ATP8A1: variants seen among roughly 807,000 people sequenced by gnomAD.
ATP8A1 encodes the protein phospholipid-transporting ATPase IA.
Under a neutral mutation model 177.7 loss-of-function variants are expected in ATP8A1, and 90 were observed. The ratio of observed to expected loss-of-function variants is 0.51; its 90% CI spans 0.43 to 0.60. ATP8A1 has a LOEUF of 0.60. ATP8A1 is among the 20% of genes least tolerant of loss of function. The pLI is 0.00. For synonymous variants in ATP8A1, 493 were observed against 485.9 expected (o/e 1.01, Z -0.19); for missense variants, 1,072 against 1,392.8 (o/e 0.77, Z 3.67).
At chr4:42,436,838 C>T (rs1051268647) in intron 33 of ATP8A1, among the ~76,000 whole-genome samples, 10 of 152,192 alleles carry the variant, frequency 6.6e-5, no homozygotes, top group African/African-American at 1.9e-4. Flanking sequence ...TCAATAAAGA[C>T]TCTTTTAACC....
At position 42,580,004 on chromosome 4, in the gene ATP8A1, T is replaced by A. The variant is rs1732868280; in HGVS notation, c.835-26A>T. On this transcript the variant is annotated intron_variant, in intron 10 of 36. Coordinates refer to ENST00000381668, the MANE Select transcript of ATP8A1 (RefSeq NM_006095.2). ...CTGTAAAAAGAAACAAGATGAGTAA[T>A]AAAAAATGTACACCAATGATTTAGC... 1.9e-6 allele frequency: 3 copies of A among 1,542,086 alleles called. No individual in the cohort carries two copies. In the Admixed American group the frequency reaches 5.9e-5, roughly 30 times the overall value.
In ATP8A1 at chr4:42,410,055, C is replaced by T. The variant is rs1344970939; in HGVS notation, c.*2861G>A. On this transcript the variant is annotated 3_prime_UTR_variant, in exon 37 of 37. Coordinates refer to ENST00000381668, the MANE Select transcript of ATP8A1 (RefSeq NM_006095.2). ...GCTGAAGCAGTCTCACATTAGAGCA[C>T]AGAGTGGAGGTGGGAGGACGGGAAG... 6.6e-6 allele frequency: 1 copy of T among 152,142 alleles called. No homozygotes were observed. The highest frequency in any genetic ancestry group is 1.5e-5 in the Non-Finnish European group (1 of 67,998). The allele number at this position is 152,142 out of a possible 1,614,324, so 9.4% of individuals were successfully genotyped here. A position where few individuals can be genotyped will look rare whatever the true frequency, so the allele number is the denominator to read the frequency against.
rs192183436 is a variant in ATP8A1, at chr4:42,548,827, A to G, written c.1652+186T>C. On this transcript the variant is annotated intron_variant, in intron 19 of 36. Transcript: ENST00000381668. ...TCACGCATTGCAATACTCTGAAGAA[A>G]GTGGTTTGTAATTTATCTACAGATA... 2.0e-5 allele frequency among the ~76,000 whole-genome samples: 3 copies of G among 152,354 alleles called. No homozygotes were observed. In the East Asian group the frequency reaches 5.8e-4, roughly 29 times the overall value.
At chr4:42,471,481 G>A (rs188920091) in intron 25 of ATP8A1, among the ~76,000 whole-genome samples, 2 of 152,316 alleles carry the variant, frequency 1.3e-5, no homozygotes, top group African/African-American at 4.8e-5. Flanking sequence ...ATAGGTAAAC[G>A]TACTGCCTTC....
At chr4:42,641,562 G>C (rs952294664) in intron 1 of ATP8A1, among the ~76,000 whole-genome samples, 1 of 151,914 alleles carries the variant, frequency 6.6e-6, no homozygotes, top group African/African-American at 2.4e-5. Flanking sequence ...AGTGCAGGGC[G>C]CAAGTTTTCC....
intron 35 of ATP8A1, among the ~76,000 whole-genome samples, chr4:42,420,630 G>T (rs1382268210): frequency 1.3e-5 from 2 of 152,160 alleles, no homozygotes; most frequent in African/African-American, 4.8e-5. Flanking sequence ...TAAGTATCAC[G>T]TGGAAGGGCT....
chr4:42,452,910 G>A (rs1718084590), intron 29 of ATP8A1, among the ~76,000 whole-genome samples: 1 of 152,154 alleles, frequency 6.6e-6, no homozygotes, highest in East Asian at 1.9e-4. Flanking sequence ...CAGAAATTAA[G>A]TTGCCTGCCT....
intron 4 of ATP8A1, among the ~76,000 whole-genome samples, chr4:42,622,541 C>A (rs1412862703): frequency 6.6e-6 from 1 of 151,560 alleles, no homozygotes; most frequent in Admixed American, 6.6e-5. Flanking sequence ...CAAAAATTGA[C>A]AAATTGGATC....
In ATP8A1 at chr4:42,475,262, C is replaced by T. The variant is rs985294667; in HGVS notation, c.2325-10186G>A. 2.0e-5 allele frequency among the ~76,000 whole-genome samples: 3 copies of T among 152,090 alleles called. No homozygotes were observed. In the South Asian group the frequency reaches 6.2e-4, roughly 32 times the overall value. ...CTCATTGTAGCCTTGACCTCCTGGG[C>T]TCAAGTGATCCTCCTGTCTCAGGAC... On this transcript the variant is annotated intron_variant, in intron 25 of 36. Transcript: ENST00000381668.
At chr4:42,622,046 ACATCATATACAAAACT>A (rs1737516949) in intron 4 of ATP8A1, among the ~76,000 whole-genome samples, 1 of 152,154 alleles carries the variant, frequency 6.6e-6, no homozygotes, top group Non-Finnish European at 1.5e-5. Flanking sequence ...GACTGAAACT[ACATCATATACAAAACT>A]CATCTCAAGA....
chr4:42,453,281 A>G (rs1485742667), intron 29 of ATP8A1, among the ~76,000 whole-genome samples: 1 of 152,226 alleles, frequency 6.6e-6, no homozygotes, highest in Non-Finnish European at 1.5e-5. Flanking sequence ...ACTGCTGTGT[A>G]TACAACTGTG....
chr4:42,602,117 A>C lies in ATP8A1; in HGVS notation c.410-1599T>G, dbSNP rs536565769. Among the ~76,000 whole-genome samples, 4 of 152,324 alleles carry C rather than the reference A, an allele frequency of 2.6e-5. No individual in the cohort carries two copies. In the South Asian group the frequency reaches 8.3e-4, roughly 32 times the overall value. On this transcript the variant is annotated intron_variant, in intron 5 of 36. Coordinates refer to ENST00000381668, the MANE Select transcript of ATP8A1 (RefSeq NM_006095.2). ...GTGAATCAACTTCATTAATTTAAAA[A>C]AATAATCATTCCAAGCTAGAGAGAG...
intron 5 of ATP8A1, among the ~76,000 whole-genome samples, chr4:42,609,813 T>A (rs1272450740): frequency 6.6e-6 from 1 of 152,092 alleles, no homozygotes; most frequent in Non-Finnish European, 1.5e-5. Flanking sequence ...AGCTGTCAAA[T>A]TCTTTCAAAA....
intron 34 of ATP8A1, 40 bp downstream of exon 34, chr4:42,423,577 G>T: frequency 1.5e-6 from 2 of 1,346,178 alleles, no homozygotes; most frequent in Non-Finnish European, 2.1e-6. Context: ...GGATGAATAT[G>T]CATCTATATT....
chr4:42,585,224 C>T (rs560010062), intron 9 of ATP8A1, among the ~76,000 whole-genome samples: 4 of 151,960 alleles, frequency 2.6e-5, no homozygotes, highest in Non-Finnish European at 4.4e-5. Context: ...AAAGTTGTTC[C>T]CTTCCAAAGA....
chr4:42,455,731 A>T, intron 27 of ATP8A1, 132 bp from the exon 28 acceptor site: 1 of 800,628 alleles, frequency 1.2e-6, no homozygotes, highest in Non-Finnish European at 1.9e-6. Context: ...TTTGAAAATG[A>T]CATTTCTTTG....
intron 24 of ATP8A1, among the ~76,000 whole-genome samples, chr4:42,492,919 G>T (rs566199209): frequency 6.6e-6 from 1 of 152,210 alleles, no homozygotes; most frequent in South Asian, 2.1e-4. Flanking sequence ...CCTTAGAAAG[G>T]AAAAAATGCA....
chr4:42,492,296 G>GA (rs1003318406), intron 24 of ATP8A1, among the ~76,000 whole-genome samples: 15 of 150,044 alleles, frequency 1.0e-4, no homozygotes, highest in Non-Finnish European at 1.3e-4. Context: ...TCCCAGAAAG[G>GA]AAAAAAAAAT....
intron 15 of ATP8A1, among the ~76,000 whole-genome samples, chr4:42,558,156 C>T (rs546258146): frequency 6.6e-6 from 1 of 152,272 alleles, no homozygotes; most frequent in South Asian, 2.1e-4. Context: ...CACTCCTCTC[C>T]AAAATTTTAC....
Sources: allele counts gnomAD v4.1 joint callset (sites outside exome capture counted in the v4.1 genomes callset), GRCh38; gene constraint gnomAD v4.1.1; transcripts MANE v1.5; gene names NCBI Gene and HGNC (gene_info 2026-07-23, HGNC 2026-07-21).